The following SCAMP1 variants were observed in gnomAD, a reference collection of about 807,000 sequenced individuals.
The protein encoded by SCAMP1 is secretory carrier membrane protein 1.
In SCAMP1, 15 loss-of-function variants were observed where a neutral mutation model predicts 41.8. The observed-to-expected ratio is 0.36, with a 90% CI of 0.24 to 0.55. The LOEUF (loss-of-function observed/expected upper bound fraction) is 0.55. Among genes scored for constraint, SCAMP1 ranks in the 20% least tolerant of loss-of-function variants. The pLI is 0.86. For synonymous variants in SCAMP1, 135 were observed against 136.8 expected, an observed-to-expected ratio of 0.99 and a Z score of 0.09; for missense variants, 341 against 412.6, an observed-to-expected ratio of 0.83 and a Z score of 1.50.
At chr5:78,391,788 T>C (rs1459052310) in intron 2 of SCAMP1, among the ~76,000 whole-genome samples, 4 of 152,168 alleles carry the variant, frequency 2.6e-5, no homozygotes, top group African/African-American at 9.7e-5. Flanking sequence ...GCGGATCACT[T>C]GCGGTTAGGA....
rs533994107 is a variant in SCAMP1, at chr5:78,442,124, G to A, written c.633-7809G>A. On this transcript the variant is annotated intron_variant, in intron 6 of 8. Transcript: ENST00000621999. ...AGACTGGGTGACATAGTAAGACCTT[G>A]TCTCAAAAAAAGAAGGAAAAAAGCA... is the stretch of plus-strand genomic sequence containing the variant. Among the ~76,000 whole-genome samples the A allele has an allele frequency of 6.3e-4, 96 of 151,870 alleles. 1 individual carries two copies. The South Asian group carries it at 0.012, about 20-fold the overall frequency.
rs3058233 is a variant in SCAMP1, at chr5:78,404,453, G to GTTTTTTTTTTT, written c.136-11057_136-11047dup. Among the ~76,000 whole-genome samples the GTTTTTTTTTTT allele has an allele frequency of 9.9e-3, 972 of 98,088 alleles. 81 individuals carry two copies. Among genetic ancestry groups the GTTTTTTTTTTT allele is most frequent in the African/African-American group, 0.031 (688 of 22,190 alleles). The allele number at this position is 98,088 out of a possible 152,430, so 64.3% of individuals were successfully genotyped here. On this transcript the variant is annotated intron_variant, in intron 2 of 8. Coordinates refer to ENST00000621999, the MANE Select transcript of SCAMP1 (RefSeq NM_004866.6). ...TGAGCCACTGTGCCCAGCCTTACAG[G>GTTTTTTTTTTT]TTTTTTTTTTTTTTTTTTTTGCTAG...
intron 6 of SCAMP1, among the ~76,000 whole-genome samples, chr5:78,431,011 T>C (rs1400389137): frequency 6.6e-6 from 1 of 152,056 alleles, no homozygotes; most frequent in African/African-American, 2.4e-5. Context: ...TAAGGACTCT[T>C]GGGGCCTTCC....
At chr5:78,473,044 G>A (rs943277180) in intron 8 of SCAMP1, among the ~76,000 whole-genome samples, 1 of 152,034 alleles carries the variant, frequency 6.6e-6, no homozygotes, top group Admixed American at 6.6e-5. Flanking sequence ...TAGGAGTAGT[G>A]ATTTATCTAT....
intron 2 of SCAMP1, among the ~76,000 whole-genome samples, chr5:78,392,095 G>A (rs1751533454): frequency 6.7e-6 from 1 of 149,080 alleles, no homozygotes; most frequent in African/African-American, 2.5e-5. Flanking sequence ...GAGAGGGAGA[G>A]CGAAAAGAGA....
Position 78,415,603 on chromosome 5 carries a change from T to C in SCAMP1, c.219T>C (p.Tyr73=). 1 of 1,597,480 alleles carries C rather than the reference T, an allele frequency of 6.3e-7. No individual in the cohort carries two copies. The highest frequency in any genetic ancestry group is 2.2e-5 in the East Asian group (1 of 44,564). The part of the protein sequence containing the change: ...IMKPTEEHPA[Y]TQIAKEHALA... ...AACCAACAGAGGAACATCCAGCTTA[T>C]ACACAGATTGCAAAGGTTAGTTCAT... The change falls in exon 3 of 9, where the codon TAT becomes TAC. Residue 73 remains tyrosine, a synonymous_variant. Transcript: ENST00000621999.
intron 1 of SCAMP1, among the ~76,000 whole-genome samples, chr5:78,385,246 G>A (rs10942850): frequency 0.45 from 68,037 of 151,866 alleles, 16,023 homozygotes; most frequent in Non-Finnish European, 0.5. Flanking sequence ...AATGGTGTTT[G>A]TAGTAGCCTT....
chr5:78,468,573 GA>G (rs1166287206), intron 8 of SCAMP1, among the ~76,000 whole-genome samples: 1 of 152,072 alleles, frequency 6.6e-6, no homozygotes, highest in Admixed American at 6.5e-5. Flanking sequence ...GATTTTGAAT[GA>G]TTATCACTTC....
chr5:78,461,932 A>C (rs1005175326), intron 8 of SCAMP1, among the ~76,000 whole-genome samples: 3 of 151,996 alleles, frequency 2.0e-5, no homozygotes, highest in Non-Finnish European at 4.4e-5. Flanking sequence ...AGCTATTCAG[A>C]CTCTTTTTGG....
intron 1 of SCAMP1, 135 bp from the exon 2 acceptor site, chr5:78,388,702 A>G (rs758350169): frequency 1.0e-5 from 5 of 489,318 alleles, no homozygotes; most frequent in African/African-American, 4.0e-5. Flanking sequence ...AGTAAATCTG[A>G]GAGCCTTCTT....
rs1019320949 is a variant in SCAMP1 at position 78,477,096 on chromosome 5, A to AT, written c.*1434dup. The AT allele has an allele frequency of 1.3e-5, 2 of 152,150 alleles. No individual in the cohort carries two copies. The highest frequency in any genetic ancestry group is 2.4e-5 in the African/African-American group (1 of 41,452). 9.4% of individuals were successfully genotyped at this position (152,150 alleles called of 1,614,324 possible). A position where few individuals can be genotyped will look rare whatever the true frequency, so the allele number is the denominator to read the frequency against. On this transcript the variant is annotated 3_prime_UTR_variant, in exon 9 of 9. Transcript: ENST00000621999. ...GTGATATTAGAGGCTGGAAATCCTT[A>AT]TTTTTTAAAAAATCAGATAGGCATA... is the stretch of plus-strand genomic sequence containing the variant.
chr5:78,405,848 C>T (rs941443817), intron 2 of SCAMP1, among the ~76,000 whole-genome samples: 3 of 152,176 alleles, frequency 2.0e-5, no homozygotes, highest in Non-Finnish European at 4.4e-5. Context: ...TTTCCTATTA[C>T]ACACGTCCTT....
At chr5:78,473,653 A>T (rs905553239) in intron 8 of SCAMP1, among the ~76,000 whole-genome samples, 8 of 152,008 alleles carry the variant, frequency 5.3e-5, no homozygotes, top group African/African-American at 1.7e-4. Flanking sequence ...TAAGTCCCCA[A>T]TATCTATCGT....
At chr5:78,459,180 T>C in intron 7 of SCAMP1, 65 bp from the exon 8 acceptor site, 1 of 757,802 alleles carries the variant, frequency 1.3e-6, no homozygotes, top group South Asian at 1.5e-5. Context: ...ATGTGTTAGA[T>C]ATTATGCTAT....
chr5:78,457,451 G>C (rs748787407), intron 7 of SCAMP1, among the ~76,000 whole-genome samples: 20 of 152,040 alleles, frequency 1.3e-4, no homozygotes, highest in African/African-American at 2.4e-4. Flanking sequence ...GTCGTGTAAG[G>C]TGTCAGTGTG....
At chr5:78,421,326 T>C (rs150056410) in intron 5 of SCAMP1, among the ~76,000 whole-genome samples, 6 of 152,348 alleles carry the variant, frequency 3.9e-5, no homozygotes, top group African/African-American at 1.4e-4. Flanking sequence ...ACAATCCTTA[T>C]ACATTGACTA....
chr5:78,386,727 T>C (rs1561254945), intron 1 of SCAMP1, among the ~76,000 whole-genome samples: 1 of 152,210 alleles, frequency 6.6e-6, no homozygotes, highest in Non-Finnish European at 1.5e-5. Flanking sequence ...AGCTTAGTTT[T>C]GCTGGATACA....
In SCAMP1 at chr5:78,384,488, G is replaced by A. The variant is rs115215274; in HGVS notation, c.58-4349G>A. On this transcript the variant is annotated intron_variant, in intron 1 of 8. Transcript: ENST00000621999. ...TTCCTCTGGCTAGGACTTCCAGTAC[G>A]GTGTAGAATAGAAGTGGTGAAAGTG... Among the ~76,000 whole-genome samples the A allele has an allele frequency of 5.2e-3, 785 of 151,904 alleles. 10 individuals are homozygous for A. Among genetic ancestry groups the A allele is most frequent in the African/African-American group, 0.018 (751 of 41,450 alleles).
rs1028486151 is a variant in SCAMP1, at chr5:78,476,498, C to T, written c.*830C>T. On this transcript the variant is annotated 3_prime_UTR_variant, in exon 9 of 9. Coordinates refer to ENST00000621999, the MANE Select transcript of SCAMP1 (RefSeq NM_004866.6). Reference sequence around the variant, plus strand: ...TAATAATTCCTTTTTAAAAAAATTTCGGTAGTCATATAGTAACATTTTGCT... The same window carrying T: ...TAATAATTCCTTTTTAAAAAAATTTTGGTAGTCATATAGTAACATTTTGCT... 1.3e-5 allele frequency: 2 copies of T among 152,558 alleles called. No individual in the cohort carries two copies. The highest frequency in any genetic ancestry group is 1.3e-4 in the Admixed American group (2 of 15,290). 9.5% of individuals were successfully genotyped at this position (152,558 alleles called of 1,614,324 possible). A position where few individuals can be genotyped will look rare whatever the true frequency, so the allele number is the denominator to read the frequency against.
Sources: allele counts gnomAD v4.1 joint callset (sites outside exome capture counted in the v4.1 genomes callset), GRCh38; gene constraint gnomAD v4.1.1; transcripts MANE v1.5; gene names NCBI Gene and HGNC (gene_info 2026-07-23, HGNC 2026-07-21).